IL17RA: variants seen among roughly 807,000 people sequenced by gnomAD.
The protein encoded by IL17RA is interleukin-17 receptor A.
IL17RA carries 34 observed loss-of-function variants against 50.4 expected under a neutral mutation model. The observed-to-expected ratio is 0.67, with a 90% CI of 0.51 to 0.90. The LOEUF (loss-of-function observed/expected upper bound fraction) is 0.90. IL17RA is among the 40% of genes least tolerant of loss of function. IL17RA has a pLI of 0.00. For missense variants in IL17RA, 1,276 were observed against 1,169.8 expected (o/e 1.09, Z -1.32); for synonymous variants, 585 against 510.4 (o/e 1.15, Z -1.97).
Position 17,104,718 on chromosome 22 carries a change from G to T in IL17RA, c.847-8G>T. ...CTGGAGCCCTTTTCCTGCCCTCTCT[G>T]CCCGCAGATCCAGCCCTTCTTCAGC... On this transcript the variant is annotated splice_polypyrimidine_tract_variant and splice_region_variant and intron_variant, in intron 8 of 12. Transcript: ENST00000319363. 6.2e-7 allele frequency: 1 copy of T among 1,613,878 alleles called. No individual in the cohort carries two copies. The highest frequency in any genetic ancestry group is 8.5e-7 in the Non-Finnish European group (1 of 1,179,832).
chr22:17,094,683 C>CCCTATATATATATATATATATA (rs2061361352), intron 1 of IL17RA, among the ~76,000 whole-genome samples: 1 of 47,030 alleles, frequency 2.1e-5, no homozygotes, highest in African/African-American at 1.1e-4. Flanking sequence ...CTCTCTCTCT[C>CCCTATATATATATATATATATA]TCTCTCTCTA....
At chr22:17,091,788 T>A (rs1402848959) in intron 1 of IL17RA, among the ~76,000 whole-genome samples, 1 of 152,196 alleles carries the variant, frequency 6.6e-6, no homozygotes, top group Non-Finnish European at 1.5e-5. Flanking sequence ...TTACAACAGT[T>A]TCAAGATTTG....
intron 9 of IL17RA, among the ~76,000 whole-genome samples, 177 bp from the exon 10 acceptor site, chr22:17,105,414 T>C (rs746201512): frequency 3.3e-5 from 5 of 152,104 alleles, no homozygotes; most frequent in African/African-American, 1.2e-4. Context: ...TGTCTCTTCT[T>C]AGACCAGCAA....
At chr22:17,108,117 C>G (rs2061421528) in intron 12 of IL17RA, among the ~76,000 whole-genome samples, 190 bp from the exon 13 acceptor site, 2 of 152,232 alleles carry the variant, frequency 1.3e-5, no homozygotes, top group South Asian at 4.1e-4. Flanking sequence ...AGGCAGCAGA[C>G]TGATTTTTTT....
At position 17,085,974 on chromosome 22, in the gene IL17RA, C is replaced by G. The variant is rs184594184; in HGVS notation, c.138+745C>G. Among the ~76,000 whole-genome samples, 534 of 152,274 alleles carry G rather than the reference C, an allele frequency of 3.5e-3. 3 individuals carry two copies. Among genetic ancestry groups the G allele is most frequent in the African/African-American group, 0.012 (503 of 41,554 alleles). On this transcript the variant is annotated intron_variant, in intron 1 of 12. Coordinates refer to ENST00000319363, the MANE Select transcript of IL17RA (RefSeq NM_014339.7). ...TCTTAAGACGGCGCCCTTCCCGCCA[C>G]TCCCACCCCCGACTACCACCACCTG... is the stretch of plus-strand genomic sequence containing the variant.
intron 1 of IL17RA, among the ~76,000 whole-genome samples, chr22:17,093,114 A>G (rs2123793239): frequency 6.7e-6 from 1 of 150,358 alleles, no homozygotes; most frequent in South Asian, 2.1e-4. Context: ...GTTTTGATCT[A>G]TTTTTCATAC....
At chr22:17,101,853 C>A in intron 5 of IL17RA, 143 bp from the exon 6 acceptor site, 1 of 961,448 alleles carries the variant, frequency 1.0e-6, no homozygotes, top group Non-Finnish European at 1.6e-6. Flanking sequence ...AAGGTGGGTC[C>A]AGCCCTGGAG....
rs2061320238 is a variant in IL17RA, at chr22:17,085,001, A to C, written c.-91A>C. On this transcript the variant is annotated 5_prime_UTR_variant, in exon 1 of 13. Coordinates refer to ENST00000319363, the MANE Select transcript of IL17RA (RefSeq NM_014339.7). ...GCCGGAAGCGAGCAAAGTGGAGCCG[A>C]CTCGAACTCCACCGCGGAAAAGAAA... 3.2e-6 allele frequency: 4 copies of C among 1,250,700 alleles called. No individual in the cohort carries two copies. Among genetic ancestry groups the C allele is most frequent in the African/African-American group, 1.6e-5 (1 of 63,788 alleles). 77.5% of individuals were successfully genotyped at this position (1,250,700 alleles called of 1,614,324 possible).
At chr22:17,096,730 C>T (rs1300508551) in intron 1 of IL17RA, among the ~76,000 whole-genome samples, 2 of 151,996 alleles carry the variant, frequency 1.3e-5, no homozygotes, top group East Asian at 1.9e-4. Flanking sequence ...AGTAGCCGGG[C>T]GTGGTGGCGG....
At chr22:17,096,666 C>T (rs2061369329) in intron 1 of IL17RA, among the ~76,000 whole-genome samples, 1 of 151,786 alleles carries the variant, frequency 6.6e-6, no homozygotes. Flanking sequence ...GTCAGGAGAT[C>T]GAGATCATCC....
chr22:17,103,447 C>T, intron 7 of IL17RA, 47 bp from the exon 8 acceptor site: 2 of 1,521,520 alleles, frequency 1.3e-6, no homozygotes, highest in East Asian at 2.3e-5. Context: ...ACCCAACTAG[C>T]CTTACCCATC....
At chr22:17,095,198 A>G (rs2061364496) in intron 1 of IL17RA, among the ~76,000 whole-genome samples, 1 of 152,190 alleles carries the variant, frequency 6.6e-6, no homozygotes, top group Non-Finnish European at 1.5e-5. Context: ...GCATTAACAA[A>G]CTTTGTTTGT....
chr22:17,086,326 T>G (rs2061327757), intron 1 of IL17RA, among the ~76,000 whole-genome samples: 1 of 151,518 alleles, frequency 6.6e-6, no homozygotes, highest in Non-Finnish European at 1.5e-5. Flanking sequence ...TGTAGTTTTA[T>G]GGAGGATTTA....
chr22:17,096,981 G>A, intron 1 of IL17RA, 81 bp from the exon 2 acceptor site: 3 of 1,256,848 alleles, frequency 2.4e-6, no homozygotes, highest in East Asian at 4.7e-5. Context: ...TCCTGAGAAT[G>A]AGCCAGTGGA....
chr22:17,111,083 G>A lies in IL17RA; in HGVS notation c.*1263G>A, dbSNP rs887795. ...GCAGTGAGAGAGATCGGGGTGGGGG[G>A]TGGGGGGATGTCGCCAGAGCTCAGG... On this transcript the variant is annotated 3_prime_UTR_variant, in exon 13 of 13. Transcript: ENST00000319363. The A allele has an allele frequency of 1.5e-5, 2 of 132,298 alleles. No homozygotes were observed. Among genetic ancestry groups the A allele is most frequent in the Non-Finnish European group, 3.2e-5 (2 of 62,566 alleles). 8.2% of individuals were successfully genotyped at this position (132,298 alleles called of 1,614,324 possible).
chr22:17,092,919 G>A (rs2061353013), intron 1 of IL17RA, among the ~76,000 whole-genome samples: 1 of 151,864 alleles, frequency 6.6e-6, no homozygotes, highest in Non-Finnish European at 1.5e-5. Flanking sequence ...TTTTTATTTA[G>A]TAGAACTTCT....
rs1218494322 is a variant in IL17RA at position 17,085,223 on chromosome 22, C to T, written c.132C>T (p.Ser44=). The change falls in exon 1 of 13, where the codon TCC becomes TCT. Residue 44 remains serine, a synonymous_variant. Transcript: ENST00000319363. ...TGGACCACCGGGCGCTGGTCTGCTC[C>T]CAGCCGGTGAGACTCGACGTGGGGA... ...RLLDHRALVC[S]QPGLNCTVKN... is the part of the protein sequence containing the mutation. 3 of 1,537,874 alleles carry T rather than the reference C, an allele frequency of 2.0e-6. No homozygotes were observed. Among genetic ancestry groups the T allele is most frequent in the Non-Finnish European group, 2.6e-6 (3 of 1,145,900 alleles).
chr22:17,096,784 G>C (rs565543131), intron 1 of IL17RA, among the ~76,000 whole-genome samples: 2 of 151,694 alleles, frequency 1.3e-5, no homozygotes, highest in East Asian at 3.9e-4. Flanking sequence ...GCAGGAGAAT[G>C]GCGTGAACCC....
At chr22:17,086,151 A>G (rs974671431) in intron 1 of IL17RA, among the ~76,000 whole-genome samples, 5 of 151,038 alleles carry the variant, frequency 3.3e-5, no homozygotes, top group African/African-American at 1.2e-4. Flanking sequence ...AAAACAAAAA[A>G]AGAGCAAAAC....
Sources: gnomAD v4.1 joint callset for allele counts (sites outside exome capture counted in the v4.1 genomes callset) on GRCh38, gnomAD v4.1.1 for gene constraint, MANE v1.5 for transcripts, NCBI Gene and HGNC (gene_info 2026-07-23, HGNC 2026-07-21) for gene names.